FGF1: variants seen among roughly 807,000 people sequenced by gnomAD.
FGF1 encodes beta-endothelial cell growth factor.
FGF1 carries 9 observed loss-of-function variants against 13.4 expected under a neutral mutation model. The ratio of observed to expected loss-of-function variants is 0.67; its 90% CI spans 0.40 to 1.17. The LOEUF (loss-of-function observed/expected upper bound fraction) is 1.17, where lower values mean the gene tolerates loss of function less well. Ranked by LOEUF, FGF1 falls within the 50% of genes most tolerant of loss-of-function variation. FGF1 has a pLI of 0.01. For synonymous variants in FGF1, 93 were observed against 79.0 expected (o/e 1.18, Z -0.94); for missense variants, 156 against 192.7 (o/e 0.81, Z 1.13).
chr5:142,687,959 C>T (rs1751530333), upstream of FGF1, among the ~76,000 whole-genome samples: 1 of 152,230 alleles, frequency 6.6e-6, no homozygotes, highest in African/African-American at 2.4e-5. Context: ...CCTGCAAACT[C>T]ACAGGATTAT....
chr5:142,605,651 G>A (rs1227198033), intron 2 of FGF1, among the ~76,000 whole-genome samples: 1 of 152,126 alleles, frequency 6.6e-6, no homozygotes, highest in Non-Finnish European at 1.5e-5. Context: ...TGTTGTGCCG[G>A]TGAGAGTTCG....
In FGF1 at chr5:142,638,668, G is replaced by A. The variant is rs976194002; in HGVS notation, c.-34-24507C>T. ...GATTCCAAAAGCACAGACAACAAAA[G>A]CAAAAATAGTTCAATGGAATTGCAT... On this transcript the variant is annotated intron_variant, in intron 1 of 3. Transcript: ENST00000337706. Among the ~76,000 whole-genome samples, 16 of 152,086 alleles carry A rather than the reference G, an allele frequency of 1.1e-4. No homozygotes were observed. In the East Asian group the frequency reaches 1.2e-3, roughly 11 times the overall value.
intron 1 of FGF1, among the ~76,000 whole-genome samples, chr5:142,619,928 C>T (rs1261500868): frequency 6.6e-6 from 1 of 150,844 alleles, no homozygotes; most frequent in African/African-American, 2.4e-5. Flanking sequence ...AAAAATTGCT[C>T]AGAATTAGGT....
chr5:142,686,871 G>A (rs1212200197), upstream of FGF1, among the ~76,000 whole-genome samples: 1 of 152,186 alleles, frequency 6.6e-6, no homozygotes, highest in African/African-American at 2.4e-5. Flanking sequence ...CTCAACTTCA[G>A]GGGTGGGAAA....
At chr5:142,600,495 ATACATTTGAGAGT>A (rs1313104167) in intron 3 of FGF1, among the ~76,000 whole-genome samples, 194 bp downstream of exon 3, 1 of 152,264 alleles carries the variant, frequency 6.6e-6, no homozygotes, top group African/African-American at 2.4e-5. Flanking sequence ...TTATATGATA[ATACATTTGAGAGT>A]TTTGAGAGAA....
chr5:142,691,495 C>T (rs1055221509), intron 2 of FGF1, among the ~76,000 whole-genome samples: 1 of 150,598 alleles, frequency 6.6e-6, no homozygotes, highest in Non-Finnish European at 1.5e-5. Flanking sequence ...AAAATATTTA[C>T]TTACTTGTTC....
At chr5:142,648,039 C>T (rs186676462) in intron 1 of FGF1, among the ~76,000 whole-genome samples, 122 of 152,228 alleles carry the variant, frequency 8.0e-4, no homozygotes, top group African/African-American at 2.8e-3. Flanking sequence ...GAGCCTAGAT[C>T]GTGCCACTGC....
Position 142,595,271 on chromosome 5 carries a change from A to G in FGF1, c.*19T>C, listed in dbSNP as rs1755010904. ...CCTCGAAACTTCTCTGGAGTGGTCA[A>G]CACCCAGAACAGATCTCTTTAATCA... On this transcript the variant is annotated 3_prime_UTR_variant, in exon 4 of 4. Coordinates refer to ENST00000337706, the MANE Select transcript of FGF1 (RefSeq NM_000800.5). 1 of 1,607,588 alleles carries G rather than the reference A, an allele frequency of 6.2e-7. No homozygotes were observed. Among genetic ancestry groups the G allele is most frequent in the Admixed American group, 1.7e-5 (1 of 59,068 alleles).
chr5:142,684,126 C>T (rs1429159268), intron 1 of FGF1, among the ~76,000 whole-genome samples: 1 of 152,208 alleles, frequency 6.6e-6, no homozygotes, highest in Non-Finnish European at 1.5e-5. Flanking sequence ...GGATCTCTTT[C>T]CTGTAACAGC....
intron 1 of FGF1, chr5:142,680,849 T>C (rs1201619330): frequency 6.6e-6 from 1 of 152,168 alleles, no homozygotes; most frequent in Non-Finnish European, 1.5e-5. Context: ...TTAATTGTGC[T>C]CTGTGGACCA....
intron 1 of FGF1, among the ~76,000 whole-genome samples, chr5:142,650,761 T>G (rs1048455907): frequency 6.6e-6 from 1 of 151,988 alleles, no homozygotes; most frequent in Admixed American, 6.6e-5. Flanking sequence ...GCTGTAGTAT[T>G]AATTGATAGA....
At chr5:142,597,433 GA>G (rs926238044) in intron 3 of FGF1, among the ~76,000 whole-genome samples, 2 of 152,036 alleles carry the variant, frequency 1.3e-5, no homozygotes, top group Non-Finnish European at 2.9e-5. Context: ...TTATTAAGTT[GA>G]AAATCAGCCA....
intron 2 of FGF1, among the ~76,000 whole-genome samples, chr5:142,695,250 A>G (rs1337078605): frequency 6.6e-6 from 1 of 152,162 alleles, no homozygotes; most frequent in Non-Finnish European, 1.5e-5. Context: ...TGTGTTTGCT[A>G]TAGTTATTAT....
At position 142,625,665 on chromosome 5, in the gene FGF1, C is replaced by T. The variant is rs115980085; in HGVS notation, c.-34-11504G>A. Among the ~76,000 whole-genome samples the T allele has an allele frequency of 6.2e-3, 946 of 152,332 alleles. 3 individuals are homozygous for T. The highest frequency in any genetic ancestry group is 0.034 in the South Asian group (165 of 4,828). On this transcript the variant is annotated intron_variant, in intron 1 of 3. Coordinates refer to ENST00000337706, the MANE Select transcript of FGF1 (RefSeq NM_000800.5). ...TAAATGGAAATATCCTTCCTGCAGA[C>T]GGACACATTAAAGCCCCAGGGCTTC...
At chr5:142,597,809 G>T (rs1317136648) in intron 3 of FGF1, among the ~76,000 whole-genome samples, 1 of 152,108 alleles carries the variant, frequency 6.6e-6, no homozygotes, top group East Asian at 1.9e-4. Context: ...GAATCTTGTT[G>T]GTCTTCTCTC....
chr5:142,643,880 T>C (rs141011521), intron 1 of FGF1, among the ~76,000 whole-genome samples: 248 of 152,372 alleles, frequency 1.6e-3, no homozygotes, highest in Admixed American at 4.5e-3. Context: ...AGGTTTATTA[T>C]GAGTATGAAA....
chr5:142,603,601 G>A (rs745816251), intron 2 of FGF1, among the ~76,000 whole-genome samples: 2 of 152,188 alleles, frequency 1.3e-5, no homozygotes, highest in Non-Finnish European at 1.5e-5. Context: ...CACACAGGGG[G>A]CAGTCTACAT....
intron 2 of FGF1, among the ~76,000 whole-genome samples, chr5:142,693,372 C>T (rs1752549622): frequency 6.6e-6 from 1 of 152,060 alleles, no homozygotes; most frequent in African/African-American, 2.4e-5. Context: ...CTCACTGCAA[C>T]CTCCACCTCC....
At chr5:142,618,921 G>GTTTTTTTTTTTTTTTTTTTTTTT (rs1343286807) in intron 1 of FGF1, among the ~76,000 whole-genome samples, 2 of 108,374 alleles carry the variant, frequency 1.8e-5, no homozygotes, top group African/African-American at 3.3e-5. Context: ...TTATTTTTTA[G>GTTTTTTTTTTTTTTTTTTTTTTT]TTGTTTTGTT....
Sources: allele counts gnomAD v4.1 joint callset (sites outside exome capture counted in the v4.1 genomes callset), GRCh38; gene constraint gnomAD v4.1.1; transcripts MANE v1.5; gene names NCBI Gene and HGNC (gene_info 2026-07-23, HGNC 2026-07-21).